ZFTRAF1: variants seen among roughly 807,000 people sequenced by gnomAD.
ZFTRAF1 encodes the protein zinc finger TRAF-type and ring finger containing 1.
At chr8:144,458,017 A>G in the ZFTRAF1 span, 1 of 152,348 alleles carries the variant, frequency 6.6e-6, no homozygotes, top group Non-Finnish European at 1.5e-5. Flanking sequence ...TTCCTCTGCC[A>G]TCTGCATGCA....
chr8:144,452,209 G>GTGTCCACC, the ZFTRAF1 span: 1 of 880,074 alleles, frequency 1.1e-6, no homozygotes, highest in South Asian at 1.4e-5. Context: ...CTCGACCGAG[G>GTGTCCACC]TGTCCACCTG....
At chr8:144,457,669 G>A in the ZFTRAF1 span, 2 of 152,214 alleles carry the variant, frequency 1.3e-5, no homozygotes, top group African/African-American at 2.4e-5. Context: ...TGGGGTTAAA[G>A]GGGAGCTAGA....
chr8:144,455,996 G>C, the ZFTRAF1 span: 1 of 152,388 alleles, frequency 6.6e-6, no homozygotes, highest in African/African-American at 2.4e-5. Context: ...ACCATGAGGA[G>C]GCAGCAGTGA....
chr8:144,453,032 G>A, the ZFTRAF1 span, among the ~76,000 whole-genome samples: 2 of 152,244 alleles, frequency 1.3e-5, no homozygotes, highest in African/African-American at 4.8e-5. Flanking sequence ...ACAACTGGGT[G>A]CAAAACCCAC....
chr8:144,460,433 G>A, the ZFTRAF1 span, among the ~76,000 whole-genome samples: 1 of 152,242 alleles, frequency 6.6e-6, no homozygotes, highest in Non-Finnish European at 1.5e-5. Context: ...CTAGATGGGG[G>A]ATGCAGTGCA....
At chr8:144,453,348 C>A in the ZFTRAF1 span, 1 of 1,551,178 alleles carries the variant, frequency 6.4e-7, no homozygotes, top group Non-Finnish European at 8.7e-7. Flanking sequence ...GCAGCAGAGG[C>A]TCTTACTGAT....
chr8:144,450,399 G>A, the ZFTRAF1 span: 12 of 716,450 alleles, frequency 1.7e-5, no homozygotes, highest in Admixed American at 1.8e-4. Flanking sequence ...ATCTGGAACA[G>A]GAAGAGCCGC....
the ZFTRAF1 span, chr8:144,452,488 C>A: frequency 6.5e-7 from 1 of 1,546,584 alleles, no homozygotes. Context: ...GTCGGGTGGG[C>A]GCACGCAGCC....
chr8:144,453,038 C>A, the ZFTRAF1 span, among the ~76,000 whole-genome samples: 7 of 152,260 alleles, frequency 4.6e-5, no homozygotes, highest in African/African-American at 1.7e-4. Flanking sequence ...GGGTGCAAAA[C>A]CCACCTGTCC....
At chr8:144,458,318 A>G in the ZFTRAF1 span, among the ~76,000 whole-genome samples, 8 of 152,210 alleles carry the variant, frequency 5.3e-5, no homozygotes, top group Admixed American at 5.2e-4. Flanking sequence ...AATGATAACC[A>G]CCACAGAAAA....
the ZFTRAF1 span, chr8:144,450,470 G>A: frequency 2.1e-5 from 15 of 718,292 alleles, no homozygotes; most frequent in Non-Finnish European, 3.9e-5. Flanking sequence ...GATGGGCAGT[G>A]GCACGTAGTC....
chr8:144,450,369 A>C, the ZFTRAF1 span: 1 of 709,798 alleles, frequency 1.4e-6, no homozygotes, highest in Non-Finnish European at 2.6e-6. Flanking sequence ...GGACATCCTG[A>C]GGCCCCGCCC....
At chr8:144,450,298 G>A in the ZFTRAF1 span, 3 of 661,744 alleles carry the variant, frequency 4.5e-6, no homozygotes, top group East Asian at 8.2e-5. Flanking sequence ...ATAGTCCTGT[G>A]AAGCAGCTGC....
the ZFTRAF1 span, chr8:144,454,330 A>T: frequency 2.0e-5 from 3 of 152,320 alleles, no homozygotes; most frequent in Non-Finnish European, 4.4e-5. Context: ...GGGAGGTGGG[A>T]AGCCCAGACC....
the ZFTRAF1 span, among the ~76,000 whole-genome samples, chr8:144,462,025 G>C: frequency 6.6e-6 from 1 of 152,200 alleles, no homozygotes; most frequent in Non-Finnish European, 1.5e-5. Context: ...AAGCGATTCA[G>C]ATCGGGAAGT....
chr8:144,455,570 G>A, the ZFTRAF1 span: 430 of 152,080 alleles, frequency 2.8e-3, 20 homozygotes, highest in East Asian at 0.067. Flanking sequence ...CCCGCCCCCC[G>A]GAGGTATGCC....
At chr8:144,462,029 G>A in the ZFTRAF1 span, among the ~76,000 whole-genome samples, 9 of 152,188 alleles carry the variant, frequency 5.9e-5, no homozygotes, top group Admixed American at 3.3e-4. Context: ...GATTCAGATC[G>A]GGAAGTACCG....
At chr8:144,459,078 C>T in the ZFTRAF1 span, among the ~76,000 whole-genome samples, 4 of 152,238 alleles carry the variant, frequency 2.6e-5, no homozygotes, top group Middle Eastern at 3.2e-3. Context: ...CACACTGGGC[C>T]TCGTCTGAAG....
chr8:144,453,426 A>T, the ZFTRAF1 span: 1 of 1,551,134 alleles, frequency 6.4e-7, no homozygotes, highest in Non-Finnish European at 8.7e-7. Flanking sequence ...TAGGTGGATA[A>T]AACAGCCAGC....
Sources: gnomAD v4.1 joint callset for allele counts (sites outside exome capture counted in the v4.1 genomes callset) on GRCh38, gnomAD v4.1.1 for gene constraint, MANE v1.5 for transcripts, NCBI Gene and HGNC (gene_info 2026-07-23, HGNC 2026-07-21) for gene names.